BLK: variants seen among roughly 807,000 people sequenced by gnomAD.
BLK encodes tyrosine-protein kinase Blk.
Under a neutral mutation model 61.8 loss-of-function variants are expected in BLK, and 64 were observed. The ratio of observed to expected loss-of-function variants is 1.03; its 90% CI spans 0.85 to 1.27. The LOEUF (loss-of-function observed/expected upper bound fraction) is 1.27, where lower values mean the gene tolerates loss of function less well. Among genes scored for constraint, BLK ranks in the 50% most tolerant of loss-of-function variants. The probability of loss-of-function intolerance (pLI) is 0.00; values close to 1 mark genes in which losing one functional copy is unlikely to be tolerated. For synonymous variants in BLK, 351 were observed against 272.0 expected (o/e 1.29, Z -2.86); for missense variants, 853 against 660.5 (o/e 1.29, Z -3.19).
At chr8:11,534,937 G>A (rs1800051112) in intron 1 of BLK, among the ~76,000 whole-genome samples, 2 of 152,204 alleles carry the variant, frequency 1.3e-5, no homozygotes, top group African/African-American at 2.4e-5. Context: ...ACTTTGGGAG[G>A]CTGAAGTGGG....
At chr8:11,542,970 C>T (rs74961098) in intron 1 of BLK, among the ~76,000 whole-genome samples, 1 of 152,168 alleles carries the variant, frequency 6.6e-6, no homozygotes, top group Non-Finnish European at 1.5e-5. Flanking sequence ...TGGTTTCCAG[C>T]GGTTATCTCC....
intron 1 of BLK, among the ~76,000 whole-genome samples, chr8:11,503,858 T>A (rs1798658887): frequency 6.6e-6 from 1 of 152,118 alleles, no homozygotes; most frequent in Admixed American, 6.5e-5. Context: ...GTCAAGTGCA[T>A]CTTTCCAGGT....
chr8:11,496,539 G>A (rs535687896), intron 1 of BLK, among the ~76,000 whole-genome samples: 1 of 152,208 alleles, frequency 6.6e-6, no homozygotes, highest in Non-Finnish European at 1.5e-5. Flanking sequence ...CACTGTGACT[G>A]GCCCAGCATG....
At chr8:11,504,585 T>C (rs1371155193) in intron 1 of BLK, among the ~76,000 whole-genome samples, 1 of 152,158 alleles carries the variant, frequency 6.6e-6, no homozygotes, top group Non-Finnish European at 1.5e-5. Context: ...AGATCTTTTA[T>C]CAGTCTTCGT....
In BLK at chr8:11,550,198, G is replaced by T; in HGVS notation, c.408G>T (p.Arg136Ser). The T allele has an allele frequency of 6.2e-7, 1 of 1,614,166 alleles. No homozygotes were observed. Among genetic ancestry groups the T allele is most frequent in the South Asian group, 1.1e-5 (1 of 91,082 alleles). The stretch of plus-strand genomic sequence containing the variant: ...CACAGGGTCGGAAGGAGGCTGAGAG[G>T]CAGCTTCTTGCTCCAATCAACAAGG... ...FRSQGRKEAE[R>S]QLLAPINKAG... Residue 136 changes from arginine to serine, a missense_variant, in exon 6 of 13, where the codon AGG (arginine) becomes AGT (serine). Physicochemically the swap from Arg to Ser is moderately radical, Grantham distance 110. Transcript: ENST00000259089.
At chr8:11,554,675 C>G in intron 6 of BLK, 68 bp from the exon 7 acceptor site, 3 of 1,584,868 alleles carry the variant, frequency 1.9e-6, no homozygotes, top group Non-Finnish European at 1.7e-6. Context: ...TAAAATGAGG[C>G]CCAAATCCCA....
At chr8:11,515,091 C>T (rs962048499) in intron 1 of BLK, among the ~76,000 whole-genome samples, 3 of 152,336 alleles carry the variant, frequency 2.0e-5, no homozygotes, top group South Asian at 4.1e-4. Context: ...TGCAAACGCC[C>T]AGTTGCAATG....
intron 6 of BLK, among the ~76,000 whole-genome samples, chr8:11,553,788 G>A (rs902275814): frequency 6.6e-6 from 1 of 152,184 alleles, no homozygotes; most frequent in Non-Finnish European, 1.5e-5. Flanking sequence ...GGTGATGAGA[G>A]AGGCACATTG....
chr8:11,529,599 T>C (rs2467521), intron 1 of BLK, among the ~76,000 whole-genome samples: 2,591 of 152,284 alleles, frequency 0.017, 44 homozygotes, highest in African/African-American at 0.045. Context: ...TCCTAAATCA[T>C]AATTTCTAAT....
chr8:11,553,304 C>A, intron 6 of BLK: 1 of 369,268 alleles, frequency 2.7e-6, no homozygotes. Flanking sequence ...GCAGGCGGTC[C>A]TTCAGTGCTG....
At position 11,546,507 on chromosome 8, in the gene BLK, G is replaced by A. The variant is rs576956295; in HGVS notation, c.175+404G>A. 2.5e-4 allele frequency among the ~76,000 whole-genome samples: 38 copies of A among 152,146 alleles called. No homozygotes were observed. The East Asian group carries it at 5.4e-3, about 22-fold the overall frequency. On this transcript the variant is annotated intron_variant, in intron 3 of 12. Transcript: ENST00000259089. Reference sequence around the variant, plus strand: ...TGTGGAGGGCACCTTCTTGTTTCCCGCTCCCAGTCACTTCGAGAGTCCCGC... The same window carrying A: ...TGTGGAGGGCACCTTCTTGTTTCCCACTCCCAGTCACTTCGAGAGTCCCGC...
In BLK at chr8:11,529,831, T is replaced by C. The variant is rs183340650; in HGVS notation, c.-1-13393T>C. ...TAGATCTCTTTCACTGTCTCAGTTG[T>C]AATTTTGCAGCGGCAGTTTCAAAAG... On this transcript the variant is annotated intron_variant, in intron 1 of 12. Coordinates refer to ENST00000259089, the MANE Select transcript of BLK (RefSeq NM_001715.3). Among the ~76,000 whole-genome samples, 44 of 152,342 alleles carry C rather than the reference T, an allele frequency of 2.9e-4. 1 individual carries two copies. The Middle Eastern group carries it at 0.01, about 35-fold the overall frequency.
chr8:11,522,580 T>G (rs2117337932), intron 1 of BLK, among the ~76,000 whole-genome samples: 1 of 152,222 alleles, frequency 6.6e-6, no homozygotes. Context: ...TGTATGAGGT[T>G]GCCCATCCCA....
chr8:11,531,613 T>C (rs758494416), intron 1 of BLK, among the ~76,000 whole-genome samples: 2 of 152,234 alleles, frequency 1.3e-5, no homozygotes, highest in East Asian at 1.9e-4. Flanking sequence ...TTCGGGTCTA[T>C]AGCTTCTATC....
chr8:11,494,814 G>C (rs1356629101), intron 1 of BLK, among the ~76,000 whole-genome samples: 2 of 152,230 alleles, frequency 1.3e-5, no homozygotes, highest in East Asian at 3.8e-4. Flanking sequence ...CATCCATCCA[G>C]GGTAGATTCT....
chr8:11,563,782 C>A, intron 12 of BLK, 121 bp from the exon 13 acceptor site: 1 of 952,782 alleles, frequency 1.0e-6, no homozygotes, highest in South Asian at 1.6e-5. Flanking sequence ...GAGAAGTGGT[C>A]TGGGACTGTG....
At chr8:11,559,346 C>G (rs928942197) in intron 10 of BLK, among the ~76,000 whole-genome samples, 3 of 151,826 alleles carry the variant, frequency 2.0e-5, no homozygotes, top group African/African-American at 7.3e-5. Context: ...CACGGACAAA[C>G]ACAAACACAT....
intron 1 of BLK, among the ~76,000 whole-genome samples, chr8:11,514,218 C>T (rs764917276): frequency 6.6e-6 from 1 of 152,192 alleles, no homozygotes; most frequent in Non-Finnish European, 1.5e-5. Flanking sequence ...CTGAGTCTAA[C>T]GGTTGCTCCA....
chr8:11,549,663 A>G (rs999198349), intron 5 of BLK, among the ~76,000 whole-genome samples: 16 of 152,188 alleles, frequency 1.1e-4, no homozygotes, highest in African/African-American at 3.9e-4. Context: ...CCCAGCAACG[A>G]GTCTTCTCTG....
Sources: gnomAD v4.1 joint callset for allele counts (sites outside exome capture counted in the v4.1 genomes callset) on GRCh38, gnomAD v4.1.1 for gene constraint, MANE v1.5 for transcripts, NCBI Gene and HGNC (gene_info 2026-07-23, HGNC 2026-07-21) for gene names.